The following NIBAN2 variants were observed in gnomAD, a reference collection of about 807,000 sequenced individuals.
NIBAN2 encodes the protein protein Niban 2.
Under a neutral mutation model 81.8 loss-of-function variants are expected in NIBAN2, and 36 were observed. That is an observed-to-expected ratio of 0.44 (90% CI 0.34 to 0.58). The LOEUF (loss-of-function observed/expected upper bound fraction) is 0.58, where lower values mean the gene tolerates loss of function less well. Among genes scored for constraint, NIBAN2 ranks in the 20% least tolerant of loss-of-function variants. The pLI, the probability that NIBAN2 is intolerant of heterozygous loss-of-function variation, is 0.02. For missense variants in NIBAN2, 897 were observed against 1,014.1 expected (o/e 0.88, Z 1.57); for synonymous variants, 445 against 441.6 (o/e 1.01, Z -0.10).
chr9:127,510,435 A>G (rs994554003), intron 8 of NIBAN2, 102 bp from the exon 9 acceptor site: 9 of 717,092 alleles, frequency 1.3e-5, no homozygotes, highest in Admixed American at 1.1e-4. Flanking sequence ...TATTATTATC[A>G]TTATTATTAT....
In NIBAN2 at chr9:127,527,266, G is replaced by A; in HGVS notation, c.243C>T (p.Asp81=). ...TGAAGCGGTTTCTCCACTTCTTGCT[G>A]TCCTCCTGGTGCTGGAAGAGGTTCC... The part of the protein sequence containing the change: ...FSGNLFQHQE[D]SKKWRNRFSL... The change falls in exon 3 of 14, where the codon GAC becomes GAT. Residue 81 remains aspartate, a synonymous_variant. Coordinates refer to ENST00000373312, the MANE Select transcript of NIBAN2 (RefSeq NM_022833.4). The A allele has an allele frequency of 6.2e-7, 1 of 1,613,982 alleles. No homozygotes were observed. Among genetic ancestry groups the A allele is most frequent in the Non-Finnish European group, 8.5e-7 (1 of 1,179,996 alleles).
rs1564315707 is a variant in NIBAN2 at position 127,552,667 on chromosome 9, G to GGCGTA, written c.55+16148_55+16152dup. Among the ~76,000 whole-genome samples the GGCGTA allele has an allele frequency of 2.6e-5, 4 of 151,174 alleles. 1 individual carries two copies. Among genetic ancestry groups the GGCGTA allele is most frequent in the African/African-American group, 9.7e-5 (4 of 41,140 alleles). Reference sequence around the variant, plus strand: ...AGTAAGTTAAAATATAGACTATTGAGGCGTAATGGAATATTCGTTTTTTTT... The same window carrying GGCGTA: ...AGTAAGTTAAAATATAGACTATTGAGGCGTAGCGTAATGGAATATTCGTTTTTTTT... On this transcript the variant is annotated intron_variant, in intron 1 of 13. Transcript: ENST00000373312.
At chr9:127,529,342 G>A (rs995568729) in intron 2 of NIBAN2, among the ~76,000 whole-genome samples, 1 of 152,208 alleles carries the variant, frequency 6.6e-6, no homozygotes, top group Non-Finnish European at 1.5e-5. Flanking sequence ...ACCGGCATAA[G>A]ATAACTGCTG....
rs2132147968 is a variant in NIBAN2 at position 127,507,412 on chromosome 9, C to T, written c.1674G>A (p.Val558=). ...CCCGGTAGAGGTTGTGCTTCCTCTGCACCGCGGCCTCCTTCACAGCTACAG... is the reference window on the plus strand; with the variant it reads ...CCCGGTAGAGGTTGTGCTTCCTCTGTACCGCGGCCTCCTTCACAGCTACAG... ...DILQAVKEAA[V]QRKHNLYRDS... Residue 558 remains valine (V), a synonymous_variant, in exon 14 of 14, where the codon GTG becomes GTA. Coordinates refer to ENST00000373312, the MANE Select transcript of NIBAN2 (RefSeq NM_022833.4). This position sits in a 1 kb window ranked among gnomAD's most constrained non-coding sequence, Gnocchi z 6.8. 2 of 1,513,550 alleles carry T rather than the reference C, an allele frequency of 1.3e-6. No homozygotes were observed. The allele number at this position is 1,513,550 out of a possible 1,614,324, so 93.8% of individuals were successfully genotyped here. A position where few individuals can be genotyped will look rare whatever the true frequency, so the allele number is the denominator to read the frequency against.
intron 8 of NIBAN2, among the ~76,000 whole-genome samples, chr9:127,514,283 A>AC (rs1266575421): frequency 6.6e-6 from 1 of 151,698 alleles, no homozygotes; most frequent in Non-Finnish European, 1.5e-5. Flanking sequence ...AAAAAAAAAA[A>AC]AAAACTAAAA....
chr9:127,514,275 A>G (rs1288515674), intron 8 of NIBAN2, among the ~76,000 whole-genome samples: 2 of 151,482 alleles, frequency 1.3e-5, no homozygotes, highest in African/African-American at 4.8e-5. Flanking sequence ...GTGTCCAAAA[A>G]AAAAAAAAAA....
At chr9:127,530,413 G>T (rs977408405) in intron 2 of NIBAN2, among the ~76,000 whole-genome samples, 1 of 152,194 alleles carries the variant, frequency 6.6e-6, no homozygotes, top group Non-Finnish European at 1.5e-5. Flanking sequence ...GCCAGGTGCG[G>T]CAGCTGAGGC....
chr9:127,579,014 GT>G, upstream of NIBAN2: 2 of 1,359,898 alleles, frequency 1.5e-6, no homozygotes, highest in Non-Finnish European at 1.0e-6. Flanking sequence ...CTTGAGAGCT[GT>G]TTGCTGCTGA....
Position 127,527,147 on chromosome 9 carries a change from T to C in NIBAN2, c.315+47A>G, listed in dbSNP as rs748927441. On this transcript the variant is annotated intron_variant, in intron 3 of 13. Coordinates refer to ENST00000373312, the MANE Select transcript of NIBAN2 (RefSeq NM_022833.4). ...TCCGAGTTGGGGGAGGGGGCACACATGGAGAAAGCGGGGAGGCTCAGTGTG... is the reference window on the plus strand; with the variant it reads ...TCCGAGTTGGGGGAGGGGGCACACACGGAGAAAGCGGGGAGGCTCAGTGTG... 9 of 1,602,242 alleles carry C rather than the reference T, an allele frequency of 5.6e-6. No individual in the cohort carries two copies. The Admixed American group carries it at 1.2e-4, about 21-fold the overall frequency.
chr9:127,522,350 C>T (rs887341408), intron 5 of NIBAN2, among the ~76,000 whole-genome samples: 13 of 152,178 alleles, frequency 8.5e-5, no homozygotes, highest in Middle Eastern at 3.2e-3. Flanking sequence ...TCCCCTGCAA[C>T]CTTCCACCTC....
chr9:127,506,350 T>TG lies in NIBAN2; in HGVS notation c.*494dup, dbSNP rs1469381330. ...CTCCTTCCCCTTCCCTCCAGAACAG[T>TG]GGGGAAAGCGAGGCTCGGTCCACCC... On this transcript the variant is annotated 3_prime_UTR_variant, in exon 14 of 14. Transcript: ENST00000373312. 4 of 152,286 alleles carry TG rather than the reference T, an allele frequency of 2.6e-5. No homozygotes were observed. Among genetic ancestry groups the TG allele is most frequent in the Non-Finnish European group, 5.8e-5 (4 of 68,492 alleles). 9.4% of individuals were successfully genotyped at this position (152,286 alleles called of 1,614,324 possible).
At chr9:127,539,916 G>A (rs1837346620) in intron 1 of NIBAN2, among the ~76,000 whole-genome samples, 3 of 152,332 alleles carry the variant, frequency 2.0e-5, no homozygotes, top group South Asian at 4.1e-4. Flanking sequence ...TCCTCTCTGA[G>A]CCTTTATTTT....
intron 1 of NIBAN2, among the ~76,000 whole-genome samples, chr9:127,562,782 G>C (rs1361483821): frequency 6.6e-6 from 1 of 152,212 alleles, no homozygotes; most frequent in Non-Finnish European, 1.5e-5. Context: ...ACCAACATGT[G>C]AGAAACAACC....
At chr9:127,541,199 C>T (rs1448662697) in intron 1 of NIBAN2, among the ~76,000 whole-genome samples, 1 of 152,174 alleles carries the variant, frequency 6.6e-6, no homozygotes, top group East Asian at 1.9e-4. Context: ...TGACACTCTC[C>T]TAGGGCCACA....
At chr9:127,553,515 T>C (rs997352671) in intron 1 of NIBAN2, among the ~76,000 whole-genome samples, 2 of 152,142 alleles carry the variant, frequency 1.3e-5, no homozygotes, top group Non-Finnish European at 2.9e-5. Context: ...ACAACAACCC[T>C]CTTGAAGGTA....
rs1268942506 is a variant in NIBAN2 at position 127,506,886 on chromosome 9, T to C, written c.2200A>G (p.Thr734Ala). 3.1e-6 allele frequency: 5 copies of C among 1,612,158 alleles called. No homozygotes were observed. In the Admixed American group the frequency reaches 5.0e-5, roughly 16 times the overall value. The change falls in exon 14 of 14, where the codon ACC (threonine) becomes GCC (alanine). Residue 734 changes from threonine to alanine, a missense_variant. Transcript: ENST00000373312. The part of the protein sequence containing the change: ...SSPSSHPALH[T>A]TTEDSAGVQT... ...ACCCCTGCACTGTCCTCGGTGGTGG[T>C]GTGGAGGGCGGGGTGGCTGCTGGGG...
chr9:127,573,803 A>G (rs1282800595), upstream of NIBAN2, among the ~76,000 whole-genome samples: 2 of 152,068 alleles, frequency 1.3e-5, no homozygotes, highest in Non-Finnish European at 2.9e-5. Flanking sequence ...GATTACAGGC[A>G]CCTGCCACCA....
Position 127,508,016 on chromosome 9 carries a change from C to T in NIBAN2, c.1543-38G>A, listed in dbSNP as rs761004900. On this transcript the variant is annotated intron_variant, in intron 12 of 13. Transcript: ENST00000373312. This position sits in a 1 kb window ranked among gnomAD's most constrained non-coding sequence, Gnocchi z 6.4. ...GGCGGCAGAGATGAGAGGTCAGGGC[C>T]AAGGGTAGAGGGAGGCCTGTGGGCT... is the stretch of plus-strand genomic sequence containing the variant. The T allele has an allele frequency of 6.2e-7, 1 of 1,612,504 alleles. No individual in the cohort carries two copies. The highest frequency in any genetic ancestry group is 8.5e-7 in the Non-Finnish European group (1 of 1,178,650).
At chr9:127,541,831 C>T in intron 1 of NIBAN2, among the ~76,000 whole-genome samples, 1 of 152,154 alleles carries the variant, frequency 6.6e-6, no homozygotes, top group East Asian at 1.9e-4. Context: ...GGTACAACAG[C>T]AGACCCCTGG....
Sources: allele counts gnomAD v4.1 joint callset (sites outside exome capture counted in the v4.1 genomes callset), GRCh38; gene constraint gnomAD v4.1.1; non-coding constraint Gnocchi (gnomAD v3.1); transcripts MANE v1.5; gene names NCBI Gene and HGNC (gene_info 2026-07-23, HGNC 2026-07-21).